Variants in MKLN1 observed in about 807,000 individuals in gnomAD.
The protein encoded by MKLN1 is muskelin.
MKLN1 carries 18 observed loss-of-function variants against 99.0 expected under a neutral mutation model. The observed-to-expected ratio is 0.18, with a 90% CI of 0.13 to 0.27. MKLN1 has a LOEUF of 0.27. Ranked by LOEUF, MKLN1 falls within the 10% of genes least tolerant of loss-of-function variation. The probability of loss-of-function intolerance (pLI) is 1.00; values close to 1 mark genes in which losing one functional copy is unlikely to be tolerated. For synonymous variants in MKLN1, 288 were observed against 293.2 expected (o/e 0.98, Z 0.18); for missense variants, 621 against 875.9 (o/e 0.71, Z 3.67).
At position 131,491,363 on chromosome 7, in the gene MKLN1, G is replaced by C. The variant is rs1310054519; in HGVS notation, c.*3635G>C. On this transcript the variant is annotated 3_prime_UTR_variant, in exon 18 of 18. Transcript: ENST00000352689. ...AGCCCCGATCTAGGATGTGAAGGCT[G>C]CCCAGAAAAAGTTTATGGCTGGAGG... 6.6e-6 allele frequency: 1 copy of C among 152,070 alleles called. No individual in the cohort carries two copies. Among genetic ancestry groups the C allele is most frequent in the African/African-American group, 2.4e-5 (1 of 41,408 alleles). The allele number at this position is 152,070 out of a possible 1,614,324, so 9.4% of individuals were successfully genotyped here. A position where few individuals can be genotyped will look rare whatever the true frequency, so the allele number is the denominator to read the frequency against.
At chr7:131,276,325 G>A (rs1797974576) in intron 3 of MKLN1, among the ~76,000 whole-genome samples, 1 of 152,196 alleles carries the variant, frequency 6.6e-6, no homozygotes, top group Admixed American at 6.5e-5. Context: ...AGAGCGATGT[G>A]CACTTGAATC....
At chr7:131,222,972 G>A (rs1427758477) in intron 3 of MKLN1, among the ~76,000 whole-genome samples, 2 of 152,122 alleles carry the variant, frequency 1.3e-5, no homozygotes, top group Non-Finnish European at 2.9e-5. Flanking sequence ...AACCCCGGAG[G>A]TGGAGGTTGC....
At chr7:131,161,768 T>C (rs1389784330) in intron 2 of MKLN1, among the ~76,000 whole-genome samples, 2 of 151,682 alleles carry the variant, frequency 1.3e-5, no homozygotes, top group African/African-American at 4.8e-5. Context: ...CTCGATCTCC[T>C]GACCTCGTGA....
chr7:131,435,504 C>A (rs1338719879), intron 9 of MKLN1, among the ~76,000 whole-genome samples: 1 of 151,916 alleles, frequency 6.6e-6, no homozygotes, highest in Admixed American at 6.6e-5. Context: ...AAAACTGATA[C>A]CATTTTTTCC....
chr7:131,134,821 A>C (rs969657593), intron 1 of MKLN1, among the ~76,000 whole-genome samples: 1 of 152,112 alleles, frequency 6.6e-6, no homozygotes, highest in African/African-American at 2.4e-5. Context: ...AAAGTTTTTA[A>C]TTTTTTAAAA....
At chr7:131,316,879 G>A (rs892187912) in intron 3 of MKLN1, among the ~76,000 whole-genome samples, 4 of 152,130 alleles carry the variant, frequency 2.6e-5, no homozygotes, top group African/African-American at 7.2e-5. Context: ...TCACCTTGCT[G>A]AAATAAGGTG....
At chr7:131,258,655 G>T (rs983153798) in intron 3 of MKLN1, among the ~76,000 whole-genome samples, 28 of 152,158 alleles carry the variant, frequency 1.8e-4, no homozygotes, top group Admixed American at 1.4e-3. Context: ...GATATTTTGG[G>T]TATGGGAAGC....
chr7:131,180,497 G>A (rs1563243137), intron 2 of MKLN1, among the ~76,000 whole-genome samples: 1 of 152,070 alleles, frequency 6.6e-6, no homozygotes, highest in Non-Finnish European at 1.5e-5. Flanking sequence ...TCAGGAGTTC[G>A]AGACCAGCAT....
intron 3 of MKLN1, among the ~76,000 whole-genome samples, chr7:131,227,122 C>T (rs1797159069): frequency 6.6e-6 from 1 of 152,200 alleles, no homozygotes; most frequent in Non-Finnish European, 1.5e-5. Flanking sequence ...GTGAGCTTTT[C>T]TACCCAGCTC....
At chr7:131,422,761 G>A (rs1795244338) in intron 8 of MKLN1, among the ~76,000 whole-genome samples, 1 of 150,258 alleles carries the variant, frequency 6.7e-6, no homozygotes, top group Admixed American at 6.6e-5. Flanking sequence ...CCATATTGCT[G>A]TCTTCTCTAA....
At chr7:131,335,432 A>AT (rs990858320) in intron 1 of MKLN1, among the ~76,000 whole-genome samples, 14 of 152,166 alleles carry the variant, frequency 9.2e-5, no homozygotes, top group African/African-American at 3.1e-4. Context: ...TCTAGGAATA[A>AT]TTTAAGTAGT....
intron 2 of MKLN1, among the ~76,000 whole-genome samples, chr7:131,164,929 A>G (rs1363667898): frequency 6.6e-6 from 1 of 152,238 alleles, no homozygotes; most frequent in African/African-American, 2.4e-5. Flanking sequence ...TAGGAGCAAC[A>G]ACGATGAACA....
At chr7:131,162,639 T>C (rs1796071596) in intron 2 of MKLN1, among the ~76,000 whole-genome samples, 1 of 152,236 alleles carries the variant, frequency 6.6e-6, no homozygotes, top group African/African-American at 2.4e-5. Context: ...TGGGTCTTAT[T>C]CCCGAGATAT....
In MKLN1 at chr7:131,418,612, A is replaced by G. The variant is rs575298421; in HGVS notation, c.847+3902A>G. On this transcript the variant is annotated intron_variant, in intron 8 of 17. Coordinates refer to ENST00000352689, the MANE Select transcript of MKLN1 (RefSeq NM_013255.5). ...ATGCAGCCCATGGGCCACAGGTTGG[A>G]CAAGCTTGAGATAAGTGGTAGTAGA... Among the ~76,000 whole-genome samples the G allele has an allele frequency of 7.2e-5, 11 of 152,354 alleles. No individual in the cohort carries two copies. In the East Asian group the frequency reaches 1.9e-3, roughly 27 times the overall value.
chr7:131,452,764 T>C (rs1584758610), intron 12 of MKLN1, among the ~76,000 whole-genome samples: 4 of 152,270 alleles, frequency 2.6e-5, no homozygotes, highest in Admixed American at 2.6e-4. Flanking sequence ...TTGGCCAGGA[T>C]GGTCTTGATC....
intron 3 of MKLN1, among the ~76,000 whole-genome samples, chr7:131,286,676 G>C (rs1798136850): frequency 6.6e-6 from 1 of 152,170 alleles, no homozygotes; most frequent in African/African-American, 2.4e-5. Context: ...ATTTTTATGG[G>C]CTACAAAGAT....
At chr7:131,149,183 G>A (rs1283095642) in intron 2 of MKLN1, among the ~76,000 whole-genome samples, 2 of 152,138 alleles carry the variant, frequency 1.3e-5, no homozygotes, top group Non-Finnish European at 2.9e-5. Flanking sequence ...TGTGTTTGTG[G>A]ATTTCTATTT....
chr7:131,487,973 AT>A lies in MKLN1; in HGVS notation c.*246del. The stretch of plus-strand genomic sequence containing the variant: ...GTATACTTTCCAGTTAAATATATAT[AT>A]ATATATATTTTTTCTTACTTTATCT... On this transcript the variant is annotated 3_prime_UTR_variant, in exon 18 of 18. Coordinates refer to ENST00000352689, the MANE Select transcript of MKLN1 (RefSeq NM_013255.5). The surrounding 1 kb of genome is among the most constrained non-coding windows in gnomAD (Gnocchi z 4.7). 5.7e-6 allele frequency: 1 copy of A among 174,790 alleles called. No homozygotes were observed. 10.8% of individuals were successfully genotyped at this position (174,790 alleles called of 1,614,324 possible).
chr7:131,177,463 C>A (rs1233974653), intron 2 of MKLN1, among the ~76,000 whole-genome samples: 5 of 132,072 alleles, frequency 3.8e-5, no homozygotes, highest in African/African-American at 5.5e-5. Context: ...AGCGAGACTC[C>A]ATCTCAAAAA....
Sources: gnomAD v4.1 joint callset for allele counts (sites outside exome capture counted in the v4.1 genomes callset) on GRCh38, gnomAD v4.1.1 for gene constraint, Gnocchi (gnomAD v3.1) non-coding constraint, MANE v1.5 for transcripts, NCBI Gene and HGNC (gene_info 2026-07-23, HGNC 2026-07-21) for gene names.